The following SKAP2 variants were observed in gnomAD, a reference collection of about 807,000 sequenced individuals.
SKAP2 encodes the protein src kinase associated phosphoprotein 2, also known as src kinase-associated phosphoprotein 2.
In SKAP2, 28 loss-of-function variants were observed where a neutral mutation model predicts 54.9. The observed-to-expected ratio is 0.51, with a 90% CI of 0.38 to 0.70. The LOEUF (loss-of-function observed/expected upper bound fraction) is 0.70, where lower values mean the gene tolerates loss of function less well. Among genes scored for constraint, SKAP2 ranks in the 30% least tolerant of loss-of-function variants. The probability of loss-of-function intolerance (pLI) is 0.00; values close to 1 mark genes in which losing one functional copy is unlikely to be tolerated. For synonymous variants in SKAP2, 137 were observed against 134.3 expected (o/e 1.02, Z -0.14); for missense variants, 356 against 424.1 (o/e 0.84, Z 1.41).
chr7:26,850,469 C>T (rs1441849966), intron 3 of SKAP2, among the ~76,000 whole-genome samples: 1 of 151,468 alleles, frequency 6.6e-6, no homozygotes, highest in African/African-American at 2.4e-5. Flanking sequence ...ACTCAGGAGG[C>T]TAAATGGAAA....
At chr7:26,724,777 T>G (rs1317080907) in intron 9 of SKAP2, among the ~76,000 whole-genome samples, 1 of 152,170 alleles carries the variant, frequency 6.6e-6, no homozygotes, top group Admixed American at 6.5e-5. Flanking sequence ...TTGATCCTCA[T>G]GGCCGCAAGT....
At chr7:26,693,577 A>T (rs1246286594) in intron 9 of SKAP2, among the ~76,000 whole-genome samples, 3 of 152,156 alleles carry the variant, frequency 2.0e-5, no homozygotes, top group Non-Finnish European at 4.4e-5. Flanking sequence ...ATGCACTCTT[A>T]AATTATCAGA....
chr7:26,853,030 T>G (rs1264035409), intron 3 of SKAP2, among the ~76,000 whole-genome samples: 1 of 152,178 alleles, frequency 6.6e-6, no homozygotes, highest in Non-Finnish European at 1.5e-5. Context: ...CAGGGAATAG[T>G]TTCCTGCTCA....
In SKAP2 at chr7:26,684,792, C is replaced by T. The variant is rs763910549; in HGVS notation, c.931G>A (p.Ala311Thr). 3 of 1,613,044 alleles carry T rather than the reference C, an allele frequency of 1.9e-6. No homozygotes were observed. Among genetic ancestry groups the T allele is most frequent in the Admixed American group, 3.3e-5 (2 of 59,982 alleles). Residue 311 changes from alanine (A) to threonine (T), a missense_variant, in exon 11 of 13, where the codon GCT becomes ACT. Ala to Thr is a moderately conservative substitution (Grantham distance 58). Transcript: ENST00000345317. ...TTAAATGACAACTCATCAGAAAAAG[C>T]TCCAGTACAATCCCACAATCCCTGG... Reference protein sequence around the residue: ...FYQGLWDCTGAFSDELSFKRG... With the variant: ...FYQGLWDCTGTFSDELSFKRG...
At chr7:26,847,051 C>T (rs1398226855) in intron 3 of SKAP2, among the ~76,000 whole-genome samples, 1 of 152,040 alleles carries the variant, frequency 6.6e-6, no homozygotes, top group African/African-American at 2.4e-5. Context: ...AAATTGTCTT[C>T]AACTTACCCA....
chr7:26,776,243 C>A (rs1489002169), intron 4 of SKAP2, among the ~76,000 whole-genome samples: 1 of 152,088 alleles, frequency 6.6e-6, no homozygotes, highest in Non-Finnish European at 1.5e-5. Flanking sequence ...AGCATTCTAT[C>A]TTCAGTGTTT....
chr7:26,764,786 C>T (rs1006416445), intron 4 of SKAP2, among the ~76,000 whole-genome samples: 7 of 152,042 alleles, frequency 4.6e-5, no homozygotes, highest in East Asian at 3.9e-4. Flanking sequence ...CTCCTGACCT[C>T]GTGATCCGCC....
intron 11 of SKAP2, among the ~76,000 whole-genome samples, chr7:26,670,930 T>A (rs1375464939): frequency 6.6e-6 from 1 of 152,064 alleles, no homozygotes; most frequent in Non-Finnish European, 1.5e-5. Context: ...GAAATAAAAG[T>A]ATCTCAAGGT....
intron 4 of SKAP2, among the ~76,000 whole-genome samples, chr7:26,819,977 G>A (rs1038752402): frequency 3.9e-5 from 6 of 152,136 alleles, no homozygotes; most frequent in African/African-American, 1.4e-4. Context: ...CTGTATGTTT[G>A]AAATTATTCA....
intron 4 of SKAP2, among the ~76,000 whole-genome samples, chr7:26,819,706 G>A (rs1784352773): frequency 6.6e-6 from 1 of 152,056 alleles, no homozygotes. Flanking sequence ...ATCTTTACAT[G>A]CCTTATATCT....
downstream of SKAP2, among the ~76,000 whole-genome samples, chr7:26,666,622 C>T (rs1786109190): frequency 6.6e-6 from 1 of 152,138 alleles, no homozygotes; most frequent in South Asian, 2.1e-4. Context: ...ATTTCACCTA[C>T]ACATGGTTGA....
chr7:26,680,235 G>A lies in SKAP2; in HGVS notation c.987+4501C>T, dbSNP rs140532553. ...ACTAATAGAGGATAGAAATCCAGAA[G>A]AGCAAGATAGAATAACATAACCAAA... is the stretch of plus-strand genomic sequence containing the variant. On this transcript the variant is annotated intron_variant, in intron 11 of 12. Transcript: ENST00000345317. 5.6e-3 allele frequency among the ~76,000 whole-genome samples: 848 copies of A among 152,254 alleles called. 8 individuals are homozygous for A. Among genetic ancestry groups the A allele is most frequent in the African/African-American group, 0.019 (802 of 41,566 alleles).
At chr7:26,673,801 A>G (rs779144856) in intron 11 of SKAP2, among the ~76,000 whole-genome samples, 2 of 152,074 alleles carry the variant, frequency 1.3e-5, no homozygotes, top group Non-Finnish European at 2.9e-5. Context: ...TTTAGTCCCC[A>G]ATTAATATTT....
intron 11 of SKAP2, among the ~76,000 whole-genome samples, chr7:26,675,878 G>C (rs999471832): frequency 1.3e-5 from 2 of 152,214 alleles, no homozygotes; most frequent in African/African-American, 4.8e-5. Flanking sequence ...TAAATCCCAT[G>C]TGCAGAAAGA....
At chr7:26,710,959 T>G (rs1162174256) in intron 9 of SKAP2, among the ~76,000 whole-genome samples, 1 of 152,198 alleles carries the variant, frequency 6.6e-6, no homozygotes, top group Non-Finnish European at 1.5e-5. Flanking sequence ...TATACCATGA[T>G]ACTATACTGT....
At chr7:26,688,368 T>G (rs1316765717) in intron 10 of SKAP2, among the ~76,000 whole-genome samples, 2 of 152,172 alleles carry the variant, frequency 1.3e-5, no homozygotes. Context: ...TAATTTTGTT[T>G]TTGCTTACAT....
rs1457398454 is a variant in SKAP2, at chr7:26,864,379, A to T, written c.51T>A (p.Ile17=). The T allele has an allele frequency of 1.9e-6, 3 of 1,612,840 alleles. No homozygotes were observed. In the African/African-American group the frequency reaches 4.0e-5, roughly 22 times the overall value. The part of the protein sequence containing the change: ...TSSPYPLPEE[I]RNLLADVETF... ...GCTCTTTACCTGCCAACAGGTTCCTAATTTCCTCAGGGAGGGGGTAGGGAG... is the reference window on the plus strand; with the variant it reads ...GCTCTTTACCTGCCAACAGGTTCCTTATTTCCTCAGGGAGGGGGTAGGGAG... The change falls in exon 1 of 13, where the codon ATT becomes ATA. Residue 17 remains isoleucine (I), a synonymous_variant. Coordinates refer to ENST00000345317, the MANE Select transcript of SKAP2 (RefSeq NM_003930.5).
At chr7:26,765,150 TGA>T (rs1413310169) in intron 4 of SKAP2, among the ~76,000 whole-genome samples, 54 of 76,064 alleles carry the variant, frequency 7.1e-4, no homozygotes, top group African/African-American at 2.0e-3. Flanking sequence ...TGTTGTTTCC[TGA>T]CTTTTTAATG....
intron 4 of SKAP2, among the ~76,000 whole-genome samples, chr7:26,759,838 C>T (rs1052154843): frequency 3.3e-5 from 5 of 151,984 alleles, no homozygotes; most frequent in African/African-American, 1.2e-4. Flanking sequence ...AAAAGAGGCC[C>T]ATTTGTAGAG....
Sources: gnomAD v4.1 joint callset for allele counts (sites outside exome capture counted in the v4.1 genomes callset) on GRCh38, gnomAD v4.1.1 for gene constraint, MANE v1.5 for transcripts, NCBI Gene and HGNC (gene_info 2026-07-23, HGNC 2026-07-21) for gene names.